Variants in NR5A1 observed in about 807,000 individuals in gnomAD.
NR5A1 encodes steroidogenic factor 1.
NR5A1 carries 6 observed loss-of-function variants against 42.7 expected under a neutral mutation model. That is an observed-to-expected ratio of 0.14 (90% CI 0.08 to 0.28). NR5A1 has a LOEUF of 0.28. Ranked by LOEUF, NR5A1 falls within the 10% of genes least tolerant of loss-of-function variation. The probability of loss-of-function intolerance (pLI) is 1.00; values close to 1 mark genes in which losing one functional copy is unlikely to be tolerated. For missense variants in NR5A1, 442 were observed against 626.4 expected (o/e 0.71, Z 3.14); for synonymous variants, 274 against 277.5 (o/e 0.99, Z 0.12).
rs1832426920 is a variant in NR5A1 at position 124,498,931 on chromosome 9, G to C, written c.870+1159C>G. 6.6e-6 allele frequency among the ~76,000 whole-genome samples: 1 copy of C among 152,112 alleles called. No homozygotes were observed. The highest frequency in any genetic ancestry group is 2.1e-4 in the South Asian group (1 of 4,824). On this transcript the variant is annotated intron_variant, in intron 4 of 6. Transcript: ENST00000373588. This position sits in a 1 kb window ranked among gnomAD's most constrained non-coding sequence, Gnocchi z 4.6. ...CCCCACCTACCAGCCAGGGCAGGCAGTGCCCCCAGCCCATCCGGCCTCATG... is the reference window on the plus strand; with the variant it reads ...CCCCACCTACCAGCCAGGGCAGGCACTGCCCCCAGCCCATCCGGCCTCATG...
chr9:124,491,036 C>CCCCCCCCCCCGGGGGGG, intron 6 of NR5A1, 45 bp downstream of exon 6: 1 of 1,401,602 alleles, frequency 7.1e-7, no homozygotes, highest in Non-Finnish European at 9.6e-7. Flanking sequence ...CCCACCCACC[C>CCCCCCCCCCCGGGGGGG]GCCTCTGGCT....
intron 6 of NR5A1, among the ~76,000 whole-genome samples, chr9:124,489,674 A>G (rs949732986): frequency 2.0e-5 from 3 of 152,058 alleles, no homozygotes; most frequent in African/African-American, 7.2e-5. Context: ...GCTGCAGCCA[A>G]CCGAGCCTGG....
intron 5 of NR5A1, among the ~76,000 whole-genome samples, chr9:124,491,653 G>A (rs560423266): frequency 1.8e-4 from 28 of 152,116 alleles, no homozygotes; most frequent in Admixed American, 4.6e-4. Context: ...ACACCTACAC[G>A]CTGGGTCACA....
chr9:124,493,153 G>A lies in NR5A1; in HGVS notation c.871-4C>T. The A allele has an allele frequency of 6.2e-7, 1 of 1,610,486 alleles. No individual in the cohort carries two copies. The highest frequency in any genetic ancestry group is 1.7e-5 in the Admixed American group (1 of 59,962). On this transcript the variant is annotated splice_region_variant and splice_polypyrimidine_tract_variant and intron_variant, in intron 4 of 6. Coordinates refer to ENST00000373588, the MANE Select transcript of NR5A1 (RefSeq NM_004959.5). ...GCAGCGTCATCTGGTCGGCCACCTG[G>A]AAGGAAGAGGCACGCGGGGGGCCGG...
Position 124,491,217 on chromosome 9 carries a change from G to A in NR5A1, c.1002C>T (p.Thr334=). 1 of 1,604,216 alleles carries A rather than the reference G, an allele frequency of 6.2e-7. No homozygotes were observed. The highest frequency in any genetic ancestry group is 8.5e-7 in the Non-Finnish European group (1 of 1,175,160). ...LLVTGQEVEL[T]TVATQAGSLL... is the part of the protein sequence containing the mutation. ...GCGAGCCCGCCTGGGTGGCCACTGT[G>A]GTCAGCTCCACCTGGGGGCAGAGGG... The change falls in exon 6 of 7, where the codon ACC becomes ACT. Residue 334 remains threonine, a synonymous_variant. Transcript: ENST00000373588.
At chr9:124,493,279 T>A in intron 4 of NR5A1, 130 bp from the exon 5 acceptor site, 1 of 1,217,994 alleles carries the variant, frequency 8.2e-7, no homozygotes, top group Non-Finnish European at 1.1e-6. Flanking sequence ...TGTGCCCATC[T>A]ACCCAGATGT....
chr9:124,483,144 A>G, intron 6 of NR5A1, 139 bp from the exon 7 acceptor site: 1 of 1,574,336 alleles, frequency 6.4e-7, no homozygotes, highest in Non-Finnish European at 8.6e-7. Flanking sequence ...CAACCATGCA[A>G]CATGGTCTCC....
Position 124,496,254 on chromosome 9 carries a change from C to A in NR5A1, c.871-3105G>T, listed in dbSNP as rs1347732294. On this transcript the variant is annotated intron_variant, in intron 4 of 6. Coordinates refer to ENST00000373588, the MANE Select transcript of NR5A1 (RefSeq NM_004959.5). The surrounding 1 kb of genome is among the most constrained non-coding windows in gnomAD (Gnocchi z 5.0). ...AAACCACAGGGCCATAGCTGCCAGC[C>A]CCCCTGCATGAGAAAGCAGGTGGCT... Among the ~76,000 whole-genome samples the A allele has an allele frequency of 4.0e-5, 6 of 151,120 alleles. No homozygotes were observed. The highest frequency in any genetic ancestry group is 3.9e-4 in the Admixed American group (6 of 15,192).
In NR5A1 at chr9:124,501,591, G is replaced by A. The variant is rs559393932; in HGVS notation, c.245-876C>T. 5.9e-5 allele frequency among the ~76,000 whole-genome samples: 9 copies of A among 152,320 alleles called. No homozygotes were observed. The East Asian group carries it at 1.7e-3, about 29-fold the overall frequency. ...GGTGCTCAGCAGGGATGATGGCTGGGGGGCTGCCTGGCCAATCTTCCTGCC... is the reference window on the plus strand; with the variant it reads ...GGTGCTCAGCAGGGATGATGGCTGGAGGGCTGCCTGGCCAATCTTCCTGCC... On this transcript the variant is annotated intron_variant, in intron 3 of 6. Transcript: ENST00000373588. The surrounding 1 kb of genome is among the most constrained non-coding windows in gnomAD (Gnocchi z 4.1).
chr9:124,488,697 G>A (rs1832259324), intron 6 of NR5A1, among the ~76,000 whole-genome samples: 1 of 152,234 alleles, frequency 6.6e-6, no homozygotes, highest in African/African-American at 2.4e-5. Context: ...GGATTACTAG[G>A]AGGGTCACTC....
rs934315315 is a variant in NR5A1 at position 124,500,799 on chromosome 9, C to T, written c.245-84G>A. On this transcript the variant is annotated intron_variant, in intron 3 of 6. Transcript: ENST00000373588. The surrounding 1 kb of genome is among the most constrained non-coding windows in gnomAD (Gnocchi z 6.9). ...CACCACAGATCCTTTCCAAACAAAT[C>T]TGACCGCTCTCTCCCCTGCTCAACA... is the stretch of plus-strand genomic sequence containing the variant. 1 of 1,600,478 alleles carries T rather than the reference C, an allele frequency of 6.2e-7. No homozygotes were observed. Among genetic ancestry groups the T allele is most frequent in the Non-Finnish European group, 8.5e-7 (1 of 1,170,016 alleles).
Position 124,497,893 on chromosome 9 carries a change from CTTAG to C in NR5A1, c.870+2193_870+2196del, listed in dbSNP as rs142108139. Among the ~76,000 whole-genome samples, 3 of 152,366 alleles carry C rather than the reference CTTAG, an allele frequency of 2.0e-5. No homozygotes were observed. The East Asian group carries it at 5.8e-4, about 29-fold the overall frequency. Reference sequence around the variant, plus strand: ...AGGCACAGAACTGTTCTCCGACTTCCTTAGTTAGAGCTGTTTGCTCTCCCCCCAG... The same window carrying C: ...AGGCACAGAACTGTTCTCCGACTTCCTTAGAGCTGTTTGCTCTCCCCCCAG... On this transcript the variant is annotated intron_variant, in intron 4 of 6. Coordinates refer to ENST00000373588, the MANE Select transcript of NR5A1 (RefSeq NM_004959.5).
intron 6 of NR5A1, among the ~76,000 whole-genome samples, chr9:124,488,056 AC>A (rs1159030702): frequency 2.7e-5 from 2 of 74,848 alleles, no homozygotes; most frequent in Non-Finnish European, 5.1e-5. Context: ...CCCCGTCCCC[AC>A]CCCTGCAGCC....
intron 5 of NR5A1, among the ~76,000 whole-genome samples, 179 bp from the exon 6 acceptor site, chr9:124,491,407 G>A (rs1210101499): frequency 1.3e-5 from 2 of 152,126 alleles, no homozygotes; most frequent in African/African-American, 4.8e-5. Context: ...CACAGCCCCG[G>A]GGACGCTGCC....
intron 6 of NR5A1, among the ~76,000 whole-genome samples, chr9:124,486,480 A>G (rs559205281): frequency 1.3e-5 from 2 of 152,352 alleles, no homozygotes; most frequent in African/African-American, 2.4e-5. Flanking sequence ...ATGATAGGCA[A>G]GCAGGACTGG....
At position 124,500,025 on chromosome 9, in the gene NR5A1, G is replaced by C; in HGVS notation, c.870+65C>G. The C allele has an allele frequency of 6.2e-7, 1 of 1,611,378 alleles. No homozygotes were observed. Among genetic ancestry groups the C allele is most frequent in the African/African-American group, 1.3e-5 (1 of 75,040 alleles). On this transcript the variant is annotated intron_variant, in intron 4 of 6. Coordinates refer to ENST00000373588, the MANE Select transcript of NR5A1 (RefSeq NM_004959.5). This position sits in a 1 kb window ranked among gnomAD's most constrained non-coding sequence, Gnocchi z 6.9. ...GATGGCCCTATCCAAAGGACAGTCG[G>C]GCTAAGGCTTGGGCAGCCGGGAGGA...
intron 4 of NR5A1, among the ~76,000 whole-genome samples, chr9:124,495,478 G>T (rs1832378082): frequency 6.6e-6 from 1 of 152,230 alleles, no homozygotes; most frequent in African/African-American, 2.4e-5. Context: ...TCTGCCCAGA[G>T]GTTCCTACCG....
chr9:124,490,735 C>T (rs148482476), intron 6 of NR5A1, among the ~76,000 whole-genome samples: 155 of 152,166 alleles, frequency 1.0e-3, no homozygotes, highest in African/African-American at 3.3e-3. Context: ...AATGGATGCA[C>T]GTGTGCATGA....
intron 1 of NR5A1, among the ~76,000 whole-genome samples, chr9:124,506,490 G>A (rs529775413): frequency 6.6e-6 from 1 of 152,292 alleles, no homozygotes; most frequent in Non-Finnish European, 1.5e-5. Flanking sequence ...GAGGGAAGGG[G>A]GTTGGTGGAT....
Sources: gnomAD v4.1 joint callset for allele counts (sites outside exome capture counted in the v4.1 genomes callset) on GRCh38, gnomAD v4.1.1 for gene constraint, Gnocchi (gnomAD v3.1) non-coding constraint, MANE v1.5 for transcripts, NCBI Gene and HGNC (gene_info 2026-07-23, HGNC 2026-07-21) for gene names.